RUSC2: variants seen among roughly 807,000 people sequenced by gnomAD.
RUSC2 encodes the protein AP-4 complex accessory subunit RUSC2.
A neutral mutation model predicts 122.2 loss-of-function variants in RUSC2; 34 were observed. The ratio of observed to expected loss-of-function variants is 0.28; its 90% CI spans 0.21 to 0.37. The LOEUF (loss-of-function observed/expected upper bound fraction) is 0.37. RUSC2 is among the 10% of genes least tolerant of loss of function. The pLI is 1.00. For synonymous variants in RUSC2, 784 were observed against 790.0 expected, an observed-to-expected ratio of 0.99 and a Z score of 0.13; for missense variants, 1,747 against 1,952.4, an observed-to-expected ratio of 0.89 and a Z score of 1.98.
intron 1 of RUSC2, among the ~76,000 whole-genome samples, chr9:35,495,007 ACTACAG>A: frequency 9.9e-6 from 1 of 101,020 alleles, no homozygotes; most frequent in African/African-American, 3.8e-5. Flanking sequence ...TATTATATAT[ACTACAG>A]TATATATTTT....
intron 1 of RUSC2, among the ~76,000 whole-genome samples, chr9:35,512,162 C>T (rs1271744738): frequency 6.6e-6 from 1 of 150,742 alleles, no homozygotes; most frequent in Non-Finnish European, 1.5e-5. Context: ...GCCTGGGCGA[C>T]AGAACGAGAC....
At chr9:35,550,355 G>T (rs2132558286) in intron 2 of RUSC2, among the ~76,000 whole-genome samples, 2 of 152,200 alleles carry the variant, frequency 1.3e-5, no homozygotes, top group East Asian at 3.9e-4. Context: ...GCTGGGCGTG[G>T]TGACTCATAC....
In RUSC2 at chr9:35,546,720, T is replaced by C. The variant is rs926952874; in HGVS notation, c.199T>C (p.Phe67Leu). Residue 67 changes from phenylalanine to leucine, a missense_variant, in exon 2 of 12, where the codon TTC (phenylalanine) becomes CTC (leucine). Physicochemically the swap from Phe to Leu is conservative, Grantham distance 22. Coordinates refer to ENST00000361226, the MANE Select transcript of RUSC2 (RefSeq NM_014806.5). This position sits in a 1 kb window ranked among gnomAD's most constrained non-coding sequence, Gnocchi z 4.3. ...CCTAGGACAAGCTGACTCCCTGCTA[T>C]TCAGCAGCCTGCACTCTACTCCAGG... is the stretch of plus-strand genomic sequence containing the variant. Reference protein sequence around the residue: ...QDLGQADSLLFSSLHSTPGGT... With the variant: ...QDLGQADSLLLSSLHSTPGGT... The C allele has an allele frequency of 6.4e-7, 1 of 1,564,384 alleles. No individual in the cohort carries two copies. The highest frequency in any genetic ancestry group is 1.4e-5 in the African/African-American group (1 of 73,634).
At chr9:35,499,720 T>TA (rs1482686488) in intron 1 of RUSC2, among the ~76,000 whole-genome samples, 1 of 152,176 alleles carries the variant, frequency 6.6e-6, no homozygotes, top group Non-Finnish European at 1.5e-5. Flanking sequence ...TAATTCTTTT[T>TA]AAAAAAAGAA....
chr9:35,560,897 T>C, intron 10 of RUSC2, 46 bp downstream of exon 10: 1 of 1,585,764 alleles, frequency 6.3e-7, no homozygotes, highest in Non-Finnish European at 8.6e-7. Context: ...GGGAGCCTGC[T>C]GTAAGCCAGG....
chr9:35,548,578 C>A lies in RUSC2; in HGVS notation c.2014+43C>A. 1 of 1,537,658 alleles carries A rather than the reference C, an allele frequency of 6.5e-7. No homozygotes were observed. The highest frequency in any genetic ancestry group is 8.7e-7 in the Non-Finnish European group (1 of 1,147,048). Reference sequence around the variant, plus strand: ...TAGCAAATATGTGGCTATTCACCAGCAGGATATGCATGGCCACCTCCCTGA... The same window carrying A: ...TAGCAAATATGTGGCTATTCACCAGAAGGATATGCATGGCCACCTCCCTGA... On this transcript the variant is annotated intron_variant, in intron 2 of 11. Coordinates refer to ENST00000361226, the MANE Select transcript of RUSC2 (RefSeq NM_014806.5). This position sits in a 1 kb window ranked among gnomAD's most constrained non-coding sequence, Gnocchi z 4.5.
rs540891915 is a variant in RUSC2 at position 35,527,167 on chromosome 9, T to G, written c.-92-19263T>G. Among the ~76,000 whole-genome samples the G allele has an allele frequency of 1.2e-4, 18 of 152,036 alleles. No homozygotes were observed. The East Asian group carries it at 1.4e-3, about 11-fold the overall frequency. On this transcript the variant is annotated intron_variant, in intron 1 of 11. Coordinates refer to ENST00000361226, the MANE Select transcript of RUSC2 (RefSeq NM_014806.5). Reference sequence around the variant, plus strand: ...TTTTTTTCTTTTTTGAGACAAGGTCTCACTGTGTCACCCAGGCTGGAGTGC... The same window carrying G: ...TTTTTTTCTTTTTTGAGACAAGGTCGCACTGTGTCACCCAGGCTGGAGTGC...
intron 1 of RUSC2, among the ~76,000 whole-genome samples, chr9:35,498,731 C>T (rs7875698): frequency 0.23 from 34,089 of 150,098 alleles, 3,991 homozygotes; most frequent in East Asian, 0.34. Context: ...TGTGGTGGTG[C>T]GTGCCTGTAG....
intron 1 of RUSC2, among the ~76,000 whole-genome samples, chr9:35,521,692 C>G (rs1458618739): frequency 6.6e-6 from 1 of 152,226 alleles, no homozygotes; most frequent in East Asian, 1.9e-4. Context: ...AAGTTCTGTG[C>G]TTCGAAAGAG....
Position 35,561,216 on chromosome 9 carries a change from G to A in RUSC2, c.4385G>A (p.Gly1462Asp), listed in dbSNP as rs755010633. ...VQALCHHLAT[G>D]PGQLSFHKGD... ...GCACTGTGCCACCACCTGGCCACCG[G>A]CCCTGGACAGCTGAGCTTCCACAAA... Residue 1462 changes from glycine to aspartate, a missense_variant, in exon 12 of 12, where the codon GGC becomes GAC. Coordinates refer to ENST00000361226, the MANE Select transcript of RUSC2 (RefSeq NM_014806.5). 1.1e-5 allele frequency: 18 copies of A among 1,614,160 alleles called. No homozygotes were observed. In the East Asian group the frequency reaches 2.7e-4, roughly 24 times the overall value.
rs967599412 is a variant in RUSC2 at position 35,557,800 on chromosome 9, T to G, written c.2984-114T>G. The G allele has an allele frequency of 3.6e-6, 3 of 823,568 alleles. No individual in the cohort carries two copies. In the African/African-American group the frequency reaches 5.0e-5, roughly 14 times the overall value. The allele number at this position is 823,568 out of a possible 1,614,324, so 51.0% of individuals were successfully genotyped here. A position where few individuals can be genotyped will look rare whatever the true frequency, so the allele number is the denominator to read the frequency against. Reference sequence around the variant, plus strand: ...TTTTGATAAGACCCATGTGCAGATGTGGAGACGGAGTAAGTGTGGGAGCCC... The same window carrying G: ...TTTTGATAAGACCCATGTGCAGATGGGGAGACGGAGTAAGTGTGGGAGCCC... On this transcript the variant is annotated intron_variant, in intron 5 of 11. Coordinates refer to ENST00000361226, the MANE Select transcript of RUSC2 (RefSeq NM_014806.5). This position sits in a 1 kb window ranked among gnomAD's most constrained non-coding sequence, Gnocchi z 4.6.
At chr9:35,518,760 C>T (rs1369856576) in intron 1 of RUSC2, among the ~76,000 whole-genome samples, 1 of 152,188 alleles carries the variant, frequency 6.6e-6, no homozygotes, top group Non-Finnish European at 1.5e-5. Context: ...ACTGGCCTAA[C>T]CCATCCTCTG....
At chr9:35,496,565 G>A (rs973282028) in intron 1 of RUSC2, among the ~76,000 whole-genome samples, 5 of 152,080 alleles carry the variant, frequency 3.3e-5, no homozygotes, top group East Asian at 1.9e-4. Flanking sequence ...TCTGTGATAC[G>A]TCAATTCCTG....
At chr9:35,554,618 A>G (rs1428457237) in intron 2 of RUSC2, among the ~76,000 whole-genome samples, 1 of 152,220 alleles carries the variant, frequency 6.6e-6, no homozygotes, top group Non-Finnish European at 1.5e-5. Context: ...AAAAGGAGAA[A>G]GGTGATGGAT....
intron 1 of RUSC2, among the ~76,000 whole-genome samples, chr9:35,502,039 C>T (rs1820825837): frequency 6.6e-6 from 1 of 152,086 alleles, no homozygotes; most frequent in Non-Finnish European, 1.5e-5. Flanking sequence ...CTGTTGGTCT[C>T]TTTGTCCAAT....
rs763786343 is a variant in RUSC2 at position 35,558,154 on chromosome 9, C to G, written c.3061-43C>G. The G allele has an allele frequency of 3.7e-6, 6 of 1,601,916 alleles. No individual in the cohort carries two copies. The Admixed American group carries it at 1.0e-4, about 27-fold the overall frequency. ...GGGCCTGCTACGAGAGGACCACAGT[C>G]AGGCCTGAGGGGGTTTCCTGCACTT... is the stretch of plus-strand genomic sequence containing the variant. On this transcript the variant is annotated intron_variant, in intron 6 of 11. Coordinates refer to ENST00000361226, the MANE Select transcript of RUSC2 (RefSeq NM_014806.5). The surrounding 1 kb of genome is among the most constrained non-coding windows in gnomAD (Gnocchi z 4.3).
At chr9:35,521,629 T>C (rs1821216886) in intron 1 of RUSC2, among the ~76,000 whole-genome samples, 1 of 152,256 alleles carries the variant, frequency 6.6e-6, no homozygotes, top group Admixed American at 6.5e-5. Flanking sequence ...CTTTTGGGGG[T>C]GGACGTTTAG....
rs1821827369 is a variant in RUSC2, at chr9:35,548,718, AAGAC to A, written c.2014+187_2014+190del. 1.0e-6 allele frequency: 1 copy of A among 985,348 alleles called. No individual in the cohort carries two copies. Among genetic ancestry groups the A allele is most frequent in the Admixed American group, 6.1e-5 (1 of 16,274 alleles). The allele number at this position is 985,348 out of a possible 1,614,324, so 61.0% of individuals were successfully genotyped here. Reference sequence around the variant, plus strand: ...TACAGTGGAATAGGCTCACTGGAGAAAGACAGAGGACTCAAAAATACACTGAGCA... The same window carrying A: ...TACAGTGGAATAGGCTCACTGGAGAAAGAGGACTCAAAAATACACTGAGCA... On this transcript the variant is annotated intron_variant, in intron 2 of 11. Transcript: ENST00000361226. This position sits in a 1 kb window ranked among gnomAD's most constrained non-coding sequence, Gnocchi z 4.5.
chr9:35,546,701 A>G lies in RUSC2; in HGVS notation c.180A>G (p.Gly60=), dbSNP rs947662019. The change falls in exon 2 of 12, where the codon GGA becomes GGG. Residue 60 remains glycine (G), a synonymous_variant. Coordinates refer to ENST00000361226, the MANE Select transcript of RUSC2 (RefSeq NM_014806.5). This position sits in a 1 kb window ranked among gnomAD's most constrained non-coding sequence, Gnocchi z 4.3. ...LGITQPDQDL[G]QADSLLFSSL... ...TCACCCAGCCCGATCAAGACCTAGG[A>G]CAAGCTGACTCCCTGCTATTCAGCA... 6.4e-7 allele frequency: 1 copy of G among 1,561,374 alleles called. No individual in the cohort carries two copies. The highest frequency in any genetic ancestry group is 1.4e-5 in the African/African-American group (1 of 73,690).
Sources: allele counts gnomAD v4.1 joint callset (sites outside exome capture counted in the v4.1 genomes callset), GRCh38; gene constraint gnomAD v4.1.1; non-coding constraint Gnocchi (gnomAD v3.1); transcripts MANE v1.5; gene names NCBI Gene and HGNC (gene_info 2026-07-23, HGNC 2026-07-21).